SERGEF: variants seen among roughly 807,000 people sequenced by gnomAD.
SERGEF encodes secretion-regulating guanine nucleotide exchange factor.
A neutral mutation model predicts 50.0 loss-of-function variants in SERGEF; 51 were observed. The ratio of observed to expected loss-of-function variants is 1.02; its 90% CI spans 0.81 to 1.29. SERGEF has a LOEUF of 1.29. Among genes scored for constraint, SERGEF ranks in the 50% most tolerant of loss-of-function variants. The probability of loss-of-function intolerance (pLI) is 0.00; values close to 1 mark genes in which losing one functional copy is unlikely to be tolerated. For missense variants in SERGEF, 521 were observed against 557.0 expected (o/e 0.94, Z 0.65); for synonymous variants, 205 against 212.4 (o/e 0.97, Z 0.30).
Position 17,991,996 on chromosome 11 carries a change from G to A in SERGEF, c.685+935C>T, listed in dbSNP as rs1390176789. ...TATAGTCTCCAGTCTACCAGCAGGG[G>A]TCAGGGCAATGTGGGCCAAAGAGAA... On this transcript the variant is annotated intron_variant, in intron 7 of 10. Coordinates refer to ENST00000265965, the MANE Select transcript of SERGEF (RefSeq NM_012139.4). The surrounding 1 kb of genome is among the most constrained non-coding windows in gnomAD (Gnocchi z 4.9). Among the ~76,000 whole-genome samples the A allele has an allele frequency of 6.6e-6, 1 of 152,120 alleles. No homozygotes were observed. The highest frequency in any genetic ancestry group is 1.9e-4 in the East Asian group (1 of 5,188).
chr11:17,825,268 G>T (rs1850171764), intron 10 of SERGEF, among the ~76,000 whole-genome samples: 1 of 152,106 alleles, frequency 6.6e-6, no homozygotes, highest in Admixed American at 6.5e-5. Context: ...CTTTGAAAGG[G>T]TATTCCTATA....
chr11:17,815,643 GC>G (rs1849960468), intron 10 of SERGEF, among the ~76,000 whole-genome samples: 3 of 150,460 alleles, frequency 2.0e-5, no homozygotes, highest in Admixed American at 2.0e-4. Context: ...ACAAAAACCG[GC>G]CGGGCTTGGT....
intron 10 of SERGEF, among the ~76,000 whole-genome samples, chr11:17,830,649 G>GGGAGAGAGAGAGAGAGA (rs1850285342): frequency 2.6e-5 from 2 of 77,726 alleles, no homozygotes; most frequent in East Asian, 4.6e-4. Context: ...GGAGAGGGAG[G>GGGAGAGAGAGAGAGAGA]GAGAGAGAGA....
intron 9 of SERGEF, among the ~76,000 whole-genome samples, chr11:17,912,415 T>C (rs545263733): frequency 1.4e-4 from 21 of 152,336 alleles, no homozygotes; most frequent in African/African-American, 5.1e-4. Context: ...CCAATGCCCA[T>C]TTCCTGATTT....
At chr11:17,983,048 C>T (rs1253184240) in intron 8 of SERGEF, among the ~76,000 whole-genome samples, 1 of 152,164 alleles carries the variant, frequency 6.6e-6, no homozygotes, top group Non-Finnish European at 1.5e-5. Flanking sequence ...CTCTTTGGCT[C>T]TTTAAGGTAA....
intron 9 of SERGEF, among the ~76,000 whole-genome samples, chr11:17,940,482 G>C (rs1852541187): frequency 6.6e-6 from 1 of 152,020 alleles, no homozygotes; most frequent in South Asian, 2.1e-4. Context: ...AAATAAACAA[G>C]ACAGTGTACA....
intron 5 of SERGEF, among the ~76,000 whole-genome samples, chr11:17,998,523 T>C (rs1265671554): frequency 4.7e-5 from 1 of 21,158 alleles, no homozygotes; most frequent in East Asian, 2.9e-3. Flanking sequence ...TATATATATG[T>C]TTATATGTGT....
rs753116583 is a variant in SERGEF, at chr11:17,788,160, C to T, written c.1302G>A (p.Glu434=). The change falls in exon 11 of 11, where the codon GAG becomes GAA. Residue 434 remains glutamate (E), a synonymous_variant. Transcript: ENST00000265965. ...DTESQKAMDK[E]RNWKERQSET... is the part of the protein sequence containing the mutation. Reference sequence around the variant, plus strand: ...CTGATTGTCTTTCCTTCCAGTTTCTCTCTTTGTCCATGGCTTTCTGAGATT... The same window carrying T: ...CTGATTGTCTTTCCTTCCAGTTTCTTTCTTTGTCCATGGCTTTCTGAGATT... 1 of 1,591,972 alleles carries T rather than the reference C, an allele frequency of 6.3e-7. No homozygotes were observed. Among genetic ancestry groups the T allele is most frequent in the East Asian group, 2.3e-5 (1 of 44,284 alleles).
chr11:17,837,955 G>A (rs920019746), intron 10 of SERGEF, among the ~76,000 whole-genome samples: 2 of 152,092 alleles, frequency 1.3e-5, no homozygotes, highest in African/African-American at 2.4e-5. Context: ...GTGAGCCACC[G>A]TGCCTGGCCA....
intron 10 of SERGEF, among the ~76,000 whole-genome samples, chr11:17,840,716 C>A (rs1201458235): frequency 6.6e-6 from 1 of 152,172 alleles, no homozygotes; most frequent in Non-Finnish European, 1.5e-5. Flanking sequence ...AGCCAACCCC[C>A]TGAACTCAAG....
chr11:17,820,422 A>T (rs184077570), intron 10 of SERGEF, among the ~76,000 whole-genome samples: 8 of 152,180 alleles, frequency 5.3e-5, no homozygotes, highest in African/African-American at 1.9e-4. Context: ...CTTCTAAACA[A>T]TTCTGGTCAG....
rs549556662 is a variant in SERGEF at position 17,823,649 on chromosome 11, C to A, written c.1049-35236G>T. On this transcript the variant is annotated intron_variant, in intron 10 of 10. Transcript: ENST00000265965. ...CTGAGTAGTGCCCTACAGTCAAGCA[C>A]GGGGCTTGGACTAATCTGTAGGTGA... Among the ~76,000 whole-genome samples, 4 of 152,192 alleles carry A rather than the reference C, an allele frequency of 2.6e-5. No individual in the cohort carries two copies. In the East Asian group the frequency reaches 7.8e-4, roughly 30 times the overall value.
intron 9 of SERGEF, among the ~76,000 whole-genome samples, chr11:17,898,956 G>C (rs1851695539): frequency 6.6e-6 from 1 of 152,148 alleles, no homozygotes. Flanking sequence ...TCTCATGATA[G>C]TGAGTGAGTG....
chr11:17,867,443 T>G (rs964810003), intron 10 of SERGEF, among the ~76,000 whole-genome samples: 2 of 152,240 alleles, frequency 1.3e-5, no homozygotes, highest in African/African-American at 2.4e-5. Context: ...TGGGTTCCCA[T>G]GGTCTTGGGC....
At position 17,863,333 on chromosome 11, in the gene SERGEF, C is replaced by A. The variant is rs537070621; in HGVS notation, c.1048+14875G>T. Among the ~76,000 whole-genome samples the A allele has an allele frequency of 2.0e-5, 3 of 152,256 alleles. No individual in the cohort carries two copies. The East Asian group carries it at 5.8e-4, about 29-fold the overall frequency. Reference sequence around the variant, plus strand: ...CTTCTGAAGAATCTTCCTAAATAACCCACGATAGTTCTACACTGTCTAAAC... The same window carrying A: ...CTTCTGAAGAATCTTCCTAAATAACACACGATAGTTCTACACTGTCTAAAC... On this transcript the variant is annotated intron_variant, in intron 10 of 10. Transcript: ENST00000265965.
At chr11:17,950,140 C>T (rs769715231) in intron 9 of SERGEF, among the ~76,000 whole-genome samples, 2 of 152,132 alleles carry the variant, frequency 1.3e-5, no homozygotes, top group African/African-American at 4.8e-5. Context: ...GATAGGAAGC[C>T]GTCAGAAAGT....
At chr11:18,011,137 T>TATAC (rs1854187224) in intron 1 of SERGEF, among the ~76,000 whole-genome samples, 1 of 147,636 alleles carries the variant, frequency 6.8e-6, no homozygotes, top group African/African-American at 2.5e-5. Flanking sequence ...CATGCACACA[T>TATAC]ACACACACAC....
intron 9 of SERGEF, among the ~76,000 whole-genome samples, chr11:17,943,324 A>C (rs1178811550): frequency 6.6e-6 from 1 of 152,132 alleles, no homozygotes; most frequent in African/African-American, 2.4e-5. Context: ...TTTTTCAAAA[A>C]TTAATCCATT....
intron 10 of SERGEF, among the ~76,000 whole-genome samples, chr11:17,815,801 A>G (rs909801982): frequency 1.3e-5 from 2 of 151,958 alleles, no homozygotes; most frequent in Admixed American, 1.3e-4. Context: ...AGGTGCCTGT[A>G]GTCTCAGCTA....
Sources: gnomAD v4.1 joint callset for allele counts (sites outside exome capture counted in the v4.1 genomes callset) on GRCh38, gnomAD v4.1.1 for gene constraint, Gnocchi (gnomAD v3.1) non-coding constraint, MANE v1.5 for transcripts, NCBI Gene and HGNC (gene_info 2026-07-23, HGNC 2026-07-21) for gene names.